MS4A5: variants seen among roughly 807,000 people sequenced by gnomAD.
MS4A5 encodes the protein membrane-spanning 4-domains subfamily A member 5.
Under a neutral mutation model 18.2 loss-of-function variants are expected in MS4A5, and 15 were observed. The observed-to-expected ratio is 0.83, with a 90% CI of 0.55 to 1.27. The LOEUF is 1.27. Ranked by LOEUF, MS4A5 falls within the 50% of genes most tolerant of loss-of-function variation. The pLI, the probability that MS4A5 is intolerant of heterozygous loss-of-function variation, is 0.00. For synonymous variants in MS4A5, 89 were observed against 78.7 expected, an observed-to-expected ratio of 1.13 and a Z score of -0.69; for missense variants, 232 against 225.7, an observed-to-expected ratio of 1.03 and a Z score of -0.18.
chr11:60,434,010 A>T, intron 4 of MS4A5, 93 bp downstream of exon 4: 1 of 1,101,340 alleles, frequency 9.1e-7, no homozygotes, highest in Non-Finnish European at 1.3e-6. Flanking sequence ...CATGTTGTGG[A>T]CACATGTATT....
At chr11:60,433,196 T>C (rs1446048505) in intron 3 of MS4A5, among the ~76,000 whole-genome samples, 1 of 152,208 alleles carries the variant, frequency 6.6e-6, no homozygotes, top group Non-Finnish European at 1.5e-5. Context: ...AGGCAAACTG[T>C]AGACAATCTA....
intron 4 of MS4A5, among the ~76,000 whole-genome samples, chr11:60,438,691 C>T (rs2086094207): frequency 6.6e-6 from 1 of 151,860 alleles, no homozygotes; most frequent in South Asian, 2.1e-4. Flanking sequence ...GGATAAATTC[C>T]TCGACACATA....
intron 4 of MS4A5, among the ~76,000 whole-genome samples, chr11:60,435,788 C>A (rs939348555): frequency 6.6e-6 from 1 of 151,948 alleles, no homozygotes; most frequent in Non-Finnish European, 1.5e-5. Flanking sequence ...CCTATGCCCA[C>A]GGAGTCTCGC....
Position 60,433,969 on chromosome 11 carries a change from T to C in MS4A5, c.492+52T>C, listed in dbSNP as rs750697992. The C allele has an allele frequency of 4.0e-6, 6 of 1,498,380 alleles. No individual in the cohort carries two copies. In the Middle Eastern group the frequency reaches 5.2e-4, roughly 129 times the overall value. The allele number at this position is 1,498,380 out of a possible 1,614,324, so 92.8% of individuals were successfully genotyped here. On this transcript the variant is annotated intron_variant, in intron 4 of 4. Coordinates refer to ENST00000300190, the MANE Select transcript of MS4A5 (RefSeq NM_023945.3). ...TGAGTAAAGGGCTTAATAGAAAATATTTATTAGCACTCAATCAGCACCATT... is the reference window on the plus strand; with the variant it reads ...TGAGTAAAGGGCTTAATAGAAAATACTTATTAGCACTCAATCAGCACCATT...
Position 60,447,764 on chromosome 11 carries a change from C to T in MS4A5, c.*5C>T, listed in dbSNP as rs375459930. 2.7e-6 allele frequency: 4 copies of T among 1,506,024 alleles called. No individual in the cohort carries two copies. In the African/African-American group the frequency reaches 5.6e-5, roughly 21 times the overall value. 93.3% of individuals were successfully genotyped at this position (1,506,024 alleles called of 1,614,324 possible). On this transcript the variant is annotated 3_prime_UTR_variant, in exon 5 of 5. Coordinates refer to ENST00000300190, the MANE Select transcript of MS4A5 (RefSeq NM_023945.3). ...GATTGTGAACAATGTTGTTGACTAG[C>T]ACTGTGAGAATAAAGATGTGTTAAA...
At position 60,447,629 on chromosome 11, in the gene MS4A5, TTC is replaced by T. The variant is rs1182720120; in HGVS notation, c.493-18_493-17del. The T allele has an allele frequency of 5.1e-6, 7 of 1,376,878 alleles. No individual in the cohort carries two copies. Among genetic ancestry groups the T allele is most frequent in the South Asian group, 1.3e-5 (1 of 78,360 alleles). The allele number at this position is 1,376,878 out of a possible 1,614,324, so 85.3% of individuals were successfully genotyped here. On this transcript the variant is annotated intron_variant, in intron 4 of 4. Coordinates refer to ENST00000300190, the MANE Select transcript of MS4A5 (RefSeq NM_023945.3). ...CAACATCATGACTCTTCATTTTTTT[TTC>T]TTCTTCTTCTATTACAGGGAATTTT...
rs2086053190 is a variant in MS4A5, at chr11:60,432,295, AG to A, written c.283-114del. The A allele has an allele frequency of 1.2e-5, 7 of 595,720 alleles. No individual in the cohort carries two copies. The Admixed American group carries it at 1.5e-4, about 13-fold the overall frequency. 36.9% of individuals were successfully genotyped at this position (595,720 alleles called of 1,614,324 possible). A position where few individuals can be genotyped will look rare whatever the true frequency, so the allele number is the denominator to read the frequency against. ...GCAACTCACCCTTCTCACTGCCCTG[AG>A]GAGTGTGTGAACTTAGAAGGCGGGC... On this transcript the variant is annotated intron_variant, in intron 2 of 4. Transcript: ENST00000300190.
chr11:60,446,169 T>C (rs1003352368), intron 4 of MS4A5, among the ~76,000 whole-genome samples: 3 of 152,180 alleles, frequency 2.0e-5, no homozygotes, highest in Non-Finnish European at 4.4e-5. Flanking sequence ...AACTACACCA[T>C]GAAATATTAA....
chr11:60,446,457 GC>G (rs2086138632), intron 4 of MS4A5, among the ~76,000 whole-genome samples: 2 of 152,086 alleles, frequency 1.3e-5, no homozygotes, highest in Non-Finnish European at 2.9e-5. Flanking sequence ...CACAGGTGGG[GC>G]CGGGCCATGG....
chr11:60,437,966 A>G (rs1056278539), intron 4 of MS4A5, among the ~76,000 whole-genome samples: 8 of 152,190 alleles, frequency 5.3e-5, no homozygotes, highest in African/African-American at 1.9e-4. Context: ...TCAACAGAAT[A>G]TACATTTTTT....
chr11:60,446,498 G>T (rs568983195), intron 4 of MS4A5, among the ~76,000 whole-genome samples: 4 of 152,256 alleles, frequency 2.6e-5, no homozygotes, highest in African/African-American at 9.6e-5. Context: ...CAGCACTTTG[G>T]GAGGCCAAGG....
chr11:60,431,375 T>C (rs2086047672), intron 2 of MS4A5, among the ~76,000 whole-genome samples: 2 of 152,094 alleles, frequency 1.3e-5, no homozygotes, highest in South Asian at 4.2e-4. Context: ...GTGGGAAGGG[T>C]TTCTCAGATA....
At chr11:60,435,844 A>G (rs4531487) in intron 4 of MS4A5, among the ~76,000 whole-genome samples, 151,785 of 151,852 alleles carry the variant, frequency 1, 75,859 homozygotes, top group Middle Eastern at 1. Flanking sequence ...AGGCGGCAGC[A>G]AGGCTGGGGG....
chr11:60,440,719 A>C (rs1314543994), intron 4 of MS4A5, among the ~76,000 whole-genome samples: 1 of 134,328 alleles, frequency 7.4e-6, no homozygotes, highest in African/African-American at 2.7e-5. Context: ...AATCAAAACC[A>C]CAATGAGATA....
intron 2 of MS4A5, among the ~76,000 whole-genome samples, chr11:60,432,132 A>AT (rs2086051514): frequency 6.6e-6 from 1 of 152,220 alleles, no homozygotes; most frequent in African/African-American, 2.4e-5. Context: ...CACAATAGCT[A>AT]TAAAAAGAAC....
intron 4 of MS4A5, among the ~76,000 whole-genome samples, chr11:60,443,784 A>C (rs2086125896): frequency 6.6e-6 from 1 of 152,158 alleles, no homozygotes; most frequent in African/African-American, 2.4e-5. Flanking sequence ...TCAGAAATGA[A>C]GGTGTATCAC....
At chr11:60,431,008 AGTT>A in intron 2 of MS4A5, 84 bp downstream of exon 2, 1 of 1,482,066 alleles carries the variant, frequency 6.7e-7, no homozygotes, top group Non-Finnish European at 9.1e-7. Flanking sequence ...AGCTAGATCC[AGTT>A]GTATGACATG....
chr11:60,441,625 G>GA (rs34742673), intron 4 of MS4A5, among the ~76,000 whole-genome samples: 117,305 of 138,830 alleles, frequency 0.84, 49,936 homozygotes, highest in Middle Eastern at 0.91. Context: ...GTCAAGACTT[G>GA]AAAAAAAAAA....
chr11:60,430,724 A>C, intron 1 of MS4A5, 72 bp from the exon 2 acceptor site: 1 of 1,558,470 alleles, frequency 6.4e-7, no homozygotes, highest in Non-Finnish European at 8.7e-7. Context: ...TTTGACCAAA[A>C]GAAGATATTC....
Sources: allele counts gnomAD v4.1 joint callset (sites outside exome capture counted in the v4.1 genomes callset), GRCh38; gene constraint gnomAD v4.1.1; transcripts MANE v1.5; gene names NCBI Gene and HGNC (gene_info 2026-07-23, HGNC 2026-07-21).